Variants in TTC28 observed in about 807,000 individuals in gnomAD.
The protein encoded by TTC28 is tetratricopeptide repeat protein 28.
In TTC28, 61 loss-of-function variants were observed where a neutral mutation model predicts 198.0. The observed-to-expected ratio is 0.31, with a 90% CI of 0.25 to 0.38. TTC28 has a LOEUF of 0.38. TTC28 is among the 10% of genes least tolerant of loss of function. The probability of loss-of-function intolerance (pLI) is 1.00; values close to 1 mark genes in which losing one functional copy is unlikely to be tolerated. For synonymous variants in TTC28, 1,171 were observed against 1,297.8 expected (o/e 0.90, Z 2.10); for missense variants, 2,678 against 3,164.0 (o/e 0.85, Z 3.69).
intron 5 of TTC28, among the ~76,000 whole-genome samples, chr22:28,182,993 T>C (rs1923850705): frequency 6.6e-6 from 1 of 152,104 alleles, no homozygotes; most frequent in Admixed American, 6.6e-5. Context: ...TCTGGCACTC[T>C]GTAGGACTCT....
chr22:28,277,092 G>C (rs962895853), intron 5 of TTC28, among the ~76,000 whole-genome samples: 2 of 152,070 alleles, frequency 1.3e-5, no homozygotes, highest in Admixed American at 6.5e-5. Flanking sequence ...AAAAAATTTA[G>C]AAAGTTCTTG....
intron 2 of TTC28, among the ~76,000 whole-genome samples, chr22:28,339,883 GCTGCACCCACTGTC>G (rs993616941): frequency 5.9e-5 from 9 of 152,088 alleles, no homozygotes; most frequent in Non-Finnish European, 1.0e-4. Context: ...CACTCAGTGG[GCTGCACCCACTGTC>G]CTGCACCCAC....
At chr22:28,518,872 A>C (rs564427163) in intron 2 of TTC28, among the ~76,000 whole-genome samples, 1 of 152,300 alleles carries the variant, frequency 6.6e-6, no homozygotes, top group Admixed American at 6.5e-5. Flanking sequence ...AAAAATTTTA[A>C]ATGATGAAAA....
At chr22:28,076,470 T>C (rs1941174101) in intron 12 of TTC28, among the ~76,000 whole-genome samples, 1 of 152,200 alleles carries the variant, frequency 6.6e-6, no homozygotes, top group South Asian at 2.1e-4. Context: ...TTTGGGAAGC[T>C]GAGGTAGGGG....
intron 12 of TTC28, among the ~76,000 whole-genome samples, chr22:28,065,522 C>T (rs577299357): frequency 6.6e-6 from 1 of 152,218 alleles, no homozygotes; most frequent in East Asian, 1.9e-4. Context: ...TAAGAAAACA[C>T]CCTATAAGGC....
At chr22:28,290,023 CA>C (rs34480479) in intron 5 of TTC28, among the ~76,000 whole-genome samples, 3 of 149,144 alleles carry the variant, frequency 2.0e-5, no homozygotes, top group Non-Finnish European at 4.5e-5. Context: ...GACCCCATCT[CA>C]AAAAAAAAAT....
At chr22:28,076,548 C>A (rs1161802329) in intron 12 of TTC28, among the ~76,000 whole-genome samples, 1 of 152,160 alleles carries the variant, frequency 6.6e-6, no homozygotes, top group Non-Finnish European at 1.5e-5. Flanking sequence ...ACTCTTCCAT[C>A]ATGCACAAGC....
At chr22:28,546,267 G>A (rs1454109126) in intron 2 of TTC28, among the ~76,000 whole-genome samples, 3 of 152,126 alleles carry the variant, frequency 2.0e-5, no homozygotes, top group Non-Finnish European at 4.4e-5. Flanking sequence ...CCAACATGGT[G>A]AGACCCCGTC....
intron 2 of TTC28, among the ~76,000 whole-genome samples, chr22:28,520,418 C>T (rs1475409425): frequency 6.6e-6 from 1 of 152,084 alleles, no homozygotes; most frequent in Non-Finnish European, 1.5e-5. Context: ...CTAGTGAGTT[C>T]CTCTGACCAA....
chr22:28,342,814 GACTA>G (rs2045852286), intron 2 of TTC28, among the ~76,000 whole-genome samples: 1 of 152,070 alleles, frequency 6.6e-6, no homozygotes, highest in Non-Finnish European at 1.5e-5. Flanking sequence ...ACACAATGCA[GACTA>G]ACCAGACAAG....
In TTC28 at chr22:28,405,686, G is replaced by A. The variant is rs1413293612; in HGVS notation, c.382-99043C>T. Among the ~76,000 whole-genome samples, 6 of 152,306 alleles carry A rather than the reference G, an allele frequency of 3.9e-5. No homozygotes were observed. In the East Asian group the frequency reaches 5.8e-4, roughly 15 times the overall value. On this transcript the variant is annotated intron_variant, in intron 2 of 22. Coordinates refer to ENST00000397906, the MANE Select transcript of TTC28 (RefSeq NM_001145418.2). ...TTTACAGGTACTATGTCTCTCTGAG[G>A]TAAGGGGCAGGACTCAACTCTGGAC... is the stretch of plus-strand genomic sequence containing the variant.
chr22:28,452,189 A>G (rs2146256699), intron 2 of TTC28, among the ~76,000 whole-genome samples: 1 of 152,170 alleles, frequency 6.6e-6, no homozygotes, highest in East Asian at 1.9e-4. Context: ...GGAGATCCAG[A>G]CCATCCTGGC....
intron 2 of TTC28, among the ~76,000 whole-genome samples, chr22:28,582,296 G>C (rs2050244334): frequency 6.6e-6 from 1 of 152,036 alleles, no homozygotes; most frequent in Admixed American, 6.6e-5. Context: ...AGACATAGTA[G>C]AGCTTAAACA....
At chr22:28,305,261 G>A (rs2045119384) in intron 3 of TTC28, among the ~76,000 whole-genome samples, 1 of 152,076 alleles carries the variant, frequency 6.6e-6, no homozygotes, top group Non-Finnish European at 1.5e-5. Flanking sequence ...AAAGTGCTGG[G>A]ATTACAGGCA....
chr22:28,243,297 C>A (rs1287561072), intron 5 of TTC28, among the ~76,000 whole-genome samples: 1 of 149,504 alleles, frequency 6.7e-6, no homozygotes, highest in African/African-American at 2.5e-5. Flanking sequence ...GCAGAGGTTG[C>A]AGTGAGCCAT....
At chr22:28,536,198 CAAAAAAAAAAA>C (rs59506221) in intron 2 of TTC28, among the ~76,000 whole-genome samples, 1,914 of 64,530 alleles carry the variant, frequency 0.03, 68 homozygotes, top group African/African-American at 0.11. Context: ...GACACCGTCT[CAAAAAAAAAAA>C]AAAAAAAAAA....
intron 2 of TTC28, among the ~76,000 whole-genome samples, chr22:28,335,202 C>T (rs1170321538): frequency 6.6e-6 from 1 of 152,092 alleles, no homozygotes; most frequent in Non-Finnish European, 1.5e-5. Context: ...CTTTTCTGTT[C>T]CATTGGTCTA....
chr22:28,646,892 G>C (rs189211443), intron 1 of TTC28, among the ~76,000 whole-genome samples: 1 of 151,978 alleles, frequency 6.6e-6, no homozygotes, highest in African/African-American at 2.4e-5. Context: ...TGGAAAGAAA[G>C]AAATCAAATC....
chr22:28,633,645 A>G (rs976187141), intron 1 of TTC28, among the ~76,000 whole-genome samples: 1 of 152,196 alleles, frequency 6.6e-6, no homozygotes, highest in African/African-American at 2.4e-5. Context: ...AAATAATGGC[A>G]GAGTAATAAT....
Sources: gnomAD v4.1 joint callset for allele counts (sites outside exome capture counted in the v4.1 genomes callset) on GRCh38, gnomAD v4.1.1 for gene constraint, MANE v1.5 for transcripts, NCBI Gene and HGNC (gene_info 2026-07-23, HGNC 2026-07-21) for gene names.